Variants in GPANK1 observed in about 807,000 individuals in gnomAD.
The protein encoded by GPANK1 is G patch domain and ankyrin repeat-containing protein 1.
In GPANK1, 22 loss-of-function variants were observed where a neutral mutation model predicts 24.0. The observed-to-expected ratio is 0.92, with a 90% CI of 0.66 to 1.31. The LOEUF (loss-of-function observed/expected upper bound fraction) is 1.31. Ranked by LOEUF, GPANK1 falls within the 50% of genes most tolerant of loss-of-function variation. The pLI, the probability that GPANK1 is intolerant of heterozygous loss-of-function variation, is 0.00. For missense variants in GPANK1, 469 were observed against 453.5 expected, an observed-to-expected ratio of 1.03 and a Z score of -0.31; for synonymous variants, 174 against 177.4, an observed-to-expected ratio of 0.98 and a Z score of 0.15.
Position 31,662,443 on chromosome 6 carries a change from G to A in GPANK1, c.894C>T (p.Tyr298=). Reference sequence around the variant, plus strand: ...TCACTCGGGGCTGGGGTGCTGATCTGTAGCCTAGTCCTTCCTGGTCCCTCT... The same window carrying A: ...TCACTCGGGGCTGGGGTGCTGATCTATAGCCTAGTCCTTCCTGGTCCCTCT... ...VLKRDQEGLG[Y]RSAPQPRVTH... The change falls in exon 3 of 3, where the codon TAC becomes TAT. Residue 298 remains tyrosine (Y), a synonymous_variant. Transcript: ENST00000375896. This position sits in a 1 kb window ranked among gnomAD's most constrained non-coding sequence, Gnocchi z 5.5. The A allele has an allele frequency of 6.2e-7, 1 of 1,612,094 alleles. No individual in the cohort carries two copies. Among genetic ancestry groups the A allele is most frequent in the African/African-American group, 1.3e-5 (1 of 75,066 alleles).
chr6:31,664,137 C>G lies in GPANK1; in HGVS notation c.342G>C (p.Glu114Asp), dbSNP rs1801294545. 6.2e-7 allele frequency: 1 copy of G among 1,614,126 alleles called. No homozygotes were observed. The highest frequency in any genetic ancestry group is 8.5e-7 in the Non-Finnish European group (1 of 1,180,040). ...GTCTCCTAAGTTCTGGCAGGTCCCCCTCCTGGGCTGCCCTCAGTATCCGGT... is the reference window on the plus strand; with the variant it reads ...GTCTCCTAAGTTCTGGCAGGTCCCCGTCCTGGGCTGCCCTCAGTATCCGGT... ...MTHRILRAAQ[E>D]GDLPELRRLL... Residue 114 changes from glutamate (E) to aspartate (D), a missense_variant, in exon 2 of 3, where the codon GAG (glutamate) becomes GAC (aspartate). Transcript: ENST00000375896.
upstream of GPANK1, chr6:31,665,200 G>A: frequency 3.8e-6 from 2 of 528,094 alleles, no homozygotes; most frequent in South Asian, 2.5e-5. Context: ...GCGAGCACTA[G>A]GATCTGTCGG....
At chr6:31,665,542 C>T, upstream of GPANK1, 1 of 1,526,474 alleles carries the variant, frequency 6.6e-7, no homozygotes, top group Non-Finnish European at 8.9e-7. Flanking sequence ...CCCCACCCCA[C>T]CCAAGTCCCT....
upstream of GPANK1, chr6:31,665,388 C>A (rs2295664): frequency 0.13 from 196,134 of 1,453,214 alleles, 15,319 homozygotes; most frequent in East Asian, 0.21. Flanking sequence ...TAACGTCACG[C>A]CTGCCCCTCA....
Position 31,664,296 on chromosome 6 carries a change from C to A in GPANK1, c.183G>T (p.Gln61His), listed in dbSNP as rs767144511. The A allele has an allele frequency of 6.2e-7, 1 of 1,614,194 alleles. No homozygotes were observed. Among genetic ancestry groups the A allele is most frequent in the East Asian group, 2.2e-5 (1 of 44,886 alleles). The change falls in exon 2 of 3, where the codon CAG becomes CAT. Residue 61 changes from glutamine to histidine, a missense_variant. Coordinates refer to ENST00000375896, the MANE Select transcript of GPANK1 (RefSeq NM_033177.4). ...ESSAPDSQRS[Q>H]TEPARERKRK... is the part of the protein sequence containing the mutation. ...TCTTTCTTTCTCTGGCAGGTTCAGT[C>A]TGAGATCTCTGGGAGTCAGGAGCGC...
chr6:31,665,808 C>T (rs16899940), upstream of GPANK1: 311 of 1,221,076 alleles, frequency 2.5e-4, 2 homozygotes, highest in East Asian at 1.0e-2. Context: ...AGCCTCTTCA[C>T]CCAGTGAGCA....
chr6:31,665,168 A>C (rs986522065), upstream of GPANK1: 40 of 482,564 alleles, frequency 8.3e-5, no homozygotes, highest in Non-Finnish European at 1.5e-4. Flanking sequence ...TAAACGAGCA[A>C]AGCTCCGCGC....
chr6:31,662,778 G>T lies in GPANK1; in HGVS notation c.627-68C>A, dbSNP rs776924692. 2.1e-6 allele frequency: 2 copies of T among 973,086 alleles called. No homozygotes were observed. Among genetic ancestry groups the T allele is most frequent in the Non-Finnish European group, 3.1e-6 (2 of 645,558 alleles). 60.3% of individuals were successfully genotyped at this position (973,086 alleles called of 1,614,324 possible). A position where few individuals can be genotyped will look rare whatever the true frequency, so the allele number is the denominator to read the frequency against. The stretch of plus-strand genomic sequence containing the variant: ...AAGGGGAAGAGTTGAGGCCTCAGAG[G>T]GGGCTGGCAGGGTAGAATAGGATCT... On this transcript the variant is annotated intron_variant, in intron 2 of 2. Transcript: ENST00000375896. The surrounding 1 kb of genome is among the most constrained non-coding windows in gnomAD (Gnocchi z 5.5).
At position 31,663,975 on chromosome 6, in the gene GPANK1, G is replaced by A. The variant is rs752356215; in HGVS notation, c.504C>T (p.Ala168=). The A allele has an allele frequency of 6.2e-7, 1 of 1,614,094 alleles. No homozygotes were observed. The highest frequency in any genetic ancestry group is 1.7e-5 in the Admixed American group (1 of 60,024). The change falls in exon 2 of 3, where the codon GCC becomes GCT. Residue 168 remains alanine, a synonymous_variant. Coordinates refer to ENST00000375896, the MANE Select transcript of GPANK1 (RefSeq NM_033177.4). ...AVSYLLGRGA[A]WVGVCELSGR... is the part of the protein sequence containing the mutation. ...CACTCAGCTCACAGACCCCCACCCA[G>A]GCAGCCCCACGGCCCAGGAGATAGC...
upstream of GPANK1, chr6:31,665,392 C>T: frequency 1.4e-6 from 2 of 1,469,534 alleles, no homozygotes; most frequent in South Asian, 1.2e-5. Flanking sequence ...GTCACGCCTG[C>T]CCCTCACCAT....
At chr6:31,666,093 C>A (rs1330589245), upstream of GPANK1, 101 of 994,164 alleles carry the variant, frequency 1.0e-4, no homozygotes, top group Non-Finnish European at 1.2e-4. Context: ...TTCCACTCCC[C>A]CCACCCCACT....
At chr6:31,663,827 G>A in intron 2 of GPANK1, 26 bp downstream of exon 2, 2 of 1,530,334 alleles carry the variant, frequency 1.3e-6, no homozygotes, top group South Asian at 1.3e-5. Flanking sequence ...AATGAGACAT[G>A]GGTCTGAGCT....
Position 31,662,502 on chromosome 6 carries a change from C to A in GPANK1, c.835G>T (p.Glu279Ter). 1 of 1,612,352 alleles carries A rather than the reference C, an allele frequency of 6.2e-7. No individual in the cohort carries two copies. Among genetic ancestry groups the A allele is most frequent in the Non-Finnish European group, 8.5e-7 (1 of 1,179,638 alleles). The change falls in exon 3 of 3, where the codon GAG becomes TAG. Residue 279 changes from glutamate (E) to a stop codon, truncating the protein, a stop_gained. Transcript: ENST00000375896. LOFTEE classifies it high-confidence loss of function. This position sits in a 1 kb window ranked among gnomAD's most constrained non-coding sequence, Gnocchi z 5.5. The part of the protein sequence containing the change: ...EPGMGLGPRG[E>*]GRANPIPTVL... Reference sequence around the variant, plus strand: ...GTGGGGATGGGATTGGCACGGCCCTCACCCCGGGGTCCCAGCCCCATTCCT... The same window carrying A: ...GTGGGGATGGGATTGGCACGGCCCTAACCCCGGGGTCCCAGCCCCATTCCT...
chr6:31,665,208 C>T, upstream of GPANK1: 2 of 544,530 alleles, frequency 3.7e-6, no homozygotes, highest in Admixed American at 3.0e-5. Context: ...TAGGATCTGT[C>T]GGTTGGGGTC....
chr6:31,662,796 T>C lies in GPANK1; in HGVS notation c.627-86A>G, dbSNP rs893336870. The C allele has an allele frequency of 4.9e-6, 4 of 822,998 alleles. No homozygotes were observed. The highest frequency in any genetic ancestry group is 2.7e-5 in the East Asian group (1 of 37,560). 51.0% of individuals were successfully genotyped at this position (822,998 alleles called of 1,614,324 possible). ...CTCAGAGGGGGCTGGCAGGGTAGAA[T>C]AGGATCTTTTCAGCTTTTCTGCTAA... is the stretch of plus-strand genomic sequence containing the variant. On this transcript the variant is annotated intron_variant, in intron 2 of 2. Transcript: ENST00000375896. This position sits in a 1 kb window ranked among gnomAD's most constrained non-coding sequence, Gnocchi z 5.5.
At chr6:31,665,934 A>G, upstream of GPANK1, 2 of 1,062,240 alleles carry the variant, frequency 1.9e-6, no homozygotes, top group Non-Finnish European at 2.3e-6. Context: ...CGTGACAGCC[A>G]GGTCGTGCGC....
chr6:31,666,212 A>G, upstream of GPANK1: 1 of 990,600 alleles, frequency 1.0e-6, no homozygotes, highest in Non-Finnish European at 1.2e-6. Flanking sequence ...CCAGCCGGTG[A>G]GTCTGAAGTC....
Position 31,662,559 on chromosome 6 carries a change from A to G in GPANK1, c.778T>C (p.Phe260Leu), listed in dbSNP as rs1801017361. 2 of 1,612,924 alleles carry G rather than the reference A, an allele frequency of 1.2e-6. No individual in the cohort carries two copies. The highest frequency in any genetic ancestry group is 1.3e-5 in the African/African-American group (1 of 74,998). ...PLGVPISSPG[F>L]KLLLRGGWEP... ...CAGCCCCCCCTCAGCAGCAGTTTGA[A>G]GCCCGGGCTGGAGATGGGCACCCCA... The change falls in exon 3 of 3, where the codon TTC becomes CTC. Residue 260 changes from phenylalanine (F) to leucine (L), a missense_variant. By Grantham distance (22) the Phe-to-Leu change is conservative (BLOSUM62 0). Transcript: ENST00000375896. This position sits in a 1 kb window ranked among gnomAD's most constrained non-coding sequence, Gnocchi z 5.5.
intron 2 of GPANK1, among the ~76,000 whole-genome samples, chr6:31,663,066 A>G (rs1801107782): frequency 6.6e-6 from 1 of 151,246 alleles, no homozygotes; most frequent in Non-Finnish European, 1.5e-5. Flanking sequence ...CAGCCTCCCA[A>G]GTAGCCGGGA....
Sources: allele counts gnomAD v4.1 joint callset (sites outside exome capture counted in the v4.1 genomes callset), GRCh38; gene constraint gnomAD v4.1.1; non-coding constraint Gnocchi (gnomAD v3.1); transcripts MANE v1.5; gene names NCBI Gene and HGNC (gene_info 2026-07-23, HGNC 2026-07-21).